ANXA10: variants seen among roughly 807,000 people sequenced by gnomAD.
ANXA10 encodes the protein annexin 14.
A neutral mutation model predicts 53.5 loss-of-function variants in ANXA10; 49 were observed. That is an observed-to-expected ratio of 0.92 (90% CI 0.73 to 1.16). The LOEUF is 1.16. ANXA10 is among the 50% of genes most tolerant of loss of function. The pLI is 0.00. For synonymous variants in ANXA10, 131 were observed against 128.9 expected, an observed-to-expected ratio of 1.02 and a Z score of -0.11; for missense variants, 393 against 394.4, an observed-to-expected ratio of 1.00 and a Z score of 0.03.
At chr4:168,128,795 T>C (rs978868140) in intron 2 of ANXA10, among the ~76,000 whole-genome samples, 8 of 152,002 alleles carry the variant, frequency 5.3e-5, no homozygotes, top group Admixed American at 1.3e-4. Context: ...ATTTGCACTG[T>C]GCTTATGTTT....
intron 1 of ANXA10, among the ~76,000 whole-genome samples, chr4:168,113,721 T>C (rs981657252): frequency 1.4e-4 from 22 of 152,214 alleles, no homozygotes; most frequent in African/African-American, 4.8e-4. Flanking sequence ...ATTCAAACCA[T>C]AGTACAGGGT....
At chr4:168,112,786 C>T (rs576808534) in intron 1 of ANXA10, among the ~76,000 whole-genome samples, 1 of 152,082 alleles carries the variant, frequency 6.6e-6, no homozygotes, top group Non-Finnish European at 1.5e-5. Context: ...TTTGCAAGGC[C>T]AGGGTGGGCG....
intron 6 of ANXA10, among the ~76,000 whole-genome samples, chr4:168,173,372 T>C (rs1391281410): frequency 6.6e-6 from 1 of 152,174 alleles, no homozygotes; most frequent in Non-Finnish European, 1.5e-5. Context: ...TGAAGCCATT[T>C]TAAGGACTTT....
chr4:168,106,968 G>C (rs1385108095), intron 1 of ANXA10, among the ~76,000 whole-genome samples: 1 of 152,118 alleles, frequency 6.6e-6, no homozygotes, highest in Non-Finnish European at 1.5e-5. Context: ...TGTTTCCCAT[G>C]AGATGCCTCA....
intron 4 of ANXA10, 35 bp from the exon 5 acceptor site, chr4:168,164,163 T>C (rs1405513598): frequency 2.0e-5 from 29 of 1,461,932 alleles, no homozygotes; most frequent in Non-Finnish European, 2.8e-5. Context: ...CCAATAAAAA[T>C]ATCCTTACAT....
chr4:168,127,817 C>CCTTTTTT, intron 1 of ANXA10: 2 of 148,584 alleles, frequency 1.3e-5, no homozygotes, highest in Non-Finnish European at 2.4e-5. Flanking sequence ...ATGTTGAAAC[C>CCTTTTTT]TTTTTTTTTT....
At chr4:168,153,165 T>C (rs1016468659) in intron 3 of ANXA10, among the ~76,000 whole-genome samples, 3 of 152,016 alleles carry the variant, frequency 2.0e-5, no homozygotes, top group Admixed American at 2.0e-4. Flanking sequence ...AGGAGAGTGA[T>C]GATGGTGGCC....
intron 3 of ANXA10, among the ~76,000 whole-genome samples, chr4:168,161,512 C>G (rs887841398): frequency 2.0e-5 from 3 of 152,056 alleles, no homozygotes; most frequent in Non-Finnish European, 2.9e-5. Flanking sequence ...CAGCTTTGTT[C>G]TTTTTGCTTA....
chr4:168,097,320 C>T (rs1379049157), intron 1 of ANXA10, among the ~76,000 whole-genome samples: 1 of 152,012 alleles, frequency 6.6e-6, no homozygotes, highest in Non-Finnish European at 1.5e-5. Flanking sequence ...TAATTCTCTC[C>T]TCTCATCTTG....
chr4:168,162,824 G>T (rs1420819520), intron 4 of ANXA10, among the ~76,000 whole-genome samples, 183 bp downstream of exon 4: 17 of 152,168 alleles, frequency 1.1e-4, no homozygotes, highest in Non-Finnish European at 2.4e-4. Context: ...GGAAGGTGGA[G>T]CCTCCTGGGC....
chr4:168,105,529 T>C (rs1692436118), intron 1 of ANXA10, among the ~76,000 whole-genome samples: 1 of 152,158 alleles, frequency 6.6e-6, no homozygotes, highest in African/African-American at 2.4e-5. Context: ...GATAAGCATT[T>C]AGATTGATTC....
At chr4:168,168,071 G>A (rs1420432877) in intron 6 of ANXA10, among the ~76,000 whole-genome samples, 1 of 152,132 alleles carries the variant, frequency 6.6e-6, no homozygotes, top group East Asian at 1.9e-4. Context: ...ATGACTAAAA[G>A]CATAAAGTAA....
At chr4:168,113,345 C>T (rs1029487957) in intron 1 of ANXA10, 6 of 141,194 alleles carry the variant, frequency 4.2e-5, no homozygotes, top group Admixed American at 2.8e-4. Flanking sequence ...TTTCATCTCA[C>T]TTGGTCTGGT....
intron 6 of ANXA10, among the ~76,000 whole-genome samples, chr4:168,174,794 G>A (rs1732089490): frequency 6.6e-6 from 1 of 151,822 alleles, no homozygotes; most frequent in Non-Finnish European, 1.5e-5. Flanking sequence ...GTGCAGTGTG[G>A]AAGACTGAGA....
intron 6 of ANXA10, among the ~76,000 whole-genome samples, chr4:168,171,987 A>G (rs1176583468): frequency 1.3e-5 from 2 of 152,148 alleles, no homozygotes; most frequent in Non-Finnish European, 2.9e-5. Flanking sequence ...TGTTATGGCC[A>G]ACAGCTTTCA....
chr4:168,133,558 C>A (rs1264237391), intron 2 of ANXA10, among the ~76,000 whole-genome samples: 1 of 152,024 alleles, frequency 6.6e-6, no homozygotes, highest in Non-Finnish European at 1.5e-5. Flanking sequence ...TACAGAAGAG[C>A]TTTAAAAATA....
intron 1 of ANXA10, chr4:168,113,191 C>A (rs115208265): frequency 0.024 from 3,660 of 152,436 alleles, 58 homozygotes; most frequent in Middle Eastern, 0.037. Flanking sequence ...ATATTTAAAA[C>A]TGTGTAATTT....
intron 2 of ANXA10, among the ~76,000 whole-genome samples, chr4:168,133,508 GT>G (rs1019258359): frequency 2.0e-5 from 3 of 152,024 alleles, no homozygotes; most frequent in African/African-American, 7.2e-5. Flanking sequence ...TGAAAGCAGT[GT>G]TGGGTGGCAG....
At chr4:168,126,728 A>T (rs994584142) in intron 1 of ANXA10, among the ~76,000 whole-genome samples, 1 of 152,140 alleles carries the variant, frequency 6.6e-6, no homozygotes, top group Non-Finnish European at 1.5e-5. Context: ...AAGTATAATG[A>T]TTGAAAGAAT....
Sources: allele counts gnomAD v4.1 joint callset (sites outside exome capture counted in the v4.1 genomes callset), GRCh38; gene constraint gnomAD v4.1.1; transcripts MANE v1.5; gene names NCBI Gene and HGNC (gene_info 2026-07-23, HGNC 2026-07-21).